ZSCAN2: variants seen among roughly 807,000 people sequenced by gnomAD.
The protein encoded by ZSCAN2 is zinc finger and SCAN domain-containing protein 2.
A neutral mutation model predicts 47.8 loss-of-function variants in ZSCAN2; 26 were observed. The ratio of observed to expected loss-of-function variants is 0.54; its 90% CI spans 0.40 to 0.75. The LOEUF is 0.75. Among genes scored for constraint, ZSCAN2 ranks in the 30% least tolerant of loss-of-function variants. The probability of loss-of-function intolerance (pLI) is 0.00; values close to 1 mark genes in which losing one functional copy is unlikely to be tolerated. For synonymous variants in ZSCAN2, 305 were observed against 288.7 expected, an observed-to-expected ratio of 1.06 and a Z score of -0.57; for missense variants, 732 against 785.4, an observed-to-expected ratio of 0.93 and a Z score of 0.81.
intron 2 of ZSCAN2, among the ~76,000 whole-genome samples, chr15:84,613,123 A>T (rs532078483): frequency 6.6e-6 from 1 of 152,298 alleles, no homozygotes; most frequent in South Asian, 2.1e-4. Context: ...CCATGGATTT[A>T]AGAGGCCAAC....
At position 84,622,130 on chromosome 15, in the gene ZSCAN2, C is replaced by T; in HGVS notation, c.*90C>T. Reference sequence around the variant, plus strand: ...ATTCCCTTTCAAAGAGCTGTGCTTCCTAAACATTCTGGGGGGTTTTGCCAG... The same window carrying T: ...ATTCCCTTTCAAAGAGCTGTGCTTCTTAAACATTCTGGGGGGTTTTGCCAG... On this transcript the variant is annotated 3_prime_UTR_variant, in exon 3 of 3. Transcript: ENST00000546148. The T allele has an allele frequency of 7.5e-6, 9 of 1,195,888 alleles. No individual in the cohort carries two copies. The South Asian group carries it at 1.3e-4, about 18-fold the overall frequency. 74.1% of individuals were successfully genotyped at this position (1,195,888 alleles called of 1,614,324 possible).
rs763167682 is a variant in ZSCAN2, at chr15:84,616,522, CT to C, written c.407-4079del. The C allele has an allele frequency of 1.4e-4, 182 of 1,346,454 alleles. No individual in the cohort carries two copies. In the Admixed American group the frequency reaches 2.3e-3, roughly 17 times the overall value. 83.4% of individuals were successfully genotyped at this position (1,346,454 alleles called of 1,614,324 possible). A position where few individuals can be genotyped will look rare whatever the true frequency, so the allele number is the denominator to read the frequency against. ...TCCTTCCTCATTGCTTTTACCCAGTCTGCTGTTTTGGGAAGCCCTGACATGT... is the reference window on the plus strand; with the variant it reads ...TCCTTCCTCATTGCTTTTACCCAGTCGCTGTTTTGGGAAGCCCTGACATGT... On this transcript the variant is annotated intron_variant, in intron 2 of 2. Coordinates refer to ENST00000546148, the MANE Select transcript of ZSCAN2 (RefSeq NM_181877.4).
chr15:84,610,014 C>T (rs540201717), intron 2 of ZSCAN2, among the ~76,000 whole-genome samples: 11 of 152,300 alleles, frequency 7.2e-5, no homozygotes, highest in Admixed American at 2.0e-4. Context: ...TGAACGGCCA[C>T]GGGAATTTGT....
In ZSCAN2 at chr15:84,621,074, C is replaced by T. The variant is rs1895805623; in HGVS notation, c.879C>T (p.Leu293=). The change falls in exon 3 of 3, where the codon CTC becomes CTT. Residue 293 remains leucine, a synonymous_variant. Coordinates refer to ENST00000546148, the MANE Select transcript of ZSCAN2 (RefSeq NM_181877.4). This position sits in a 1 kb window ranked among gnomAD's most constrained non-coding sequence, Gnocchi z 5.7. ...AGAGCTTTAGCCGGAGTGCCAACCTCATAACCCACCAGAGGATCCACACGG... is the reference window on the plus strand; with the variant it reads ...AGAGCTTTAGCCGGAGTGCCAACCTTATAACCCACCAGAGGATCCACACGG... ...CGKSFSRSAN[L]ITHQRIHTGE... is the part of the protein sequence containing the mutation. The T allele has an allele frequency of 1.2e-6, 2 of 1,613,360 alleles. No individual in the cohort carries two copies. The highest frequency in any genetic ancestry group is 1.1e-5 in the South Asian group (1 of 91,040).
At chr15:84,619,926 GGTTTT>G (rs1412804734) in intron 2 of ZSCAN2, among the ~76,000 whole-genome samples, 1 of 28,672 alleles carries the variant, frequency 3.5e-5, no homozygotes, top group Admixed American at 3.5e-4. Context: ...AGCCTGGGTT[GGTTTT>G]TTTTTTTTTT....
chr15:84,604,891 C>T (rs1168617136), intron 2 of ZSCAN2, among the ~76,000 whole-genome samples: 3 of 151,984 alleles, frequency 2.0e-5, no homozygotes, highest in Non-Finnish European at 4.4e-5. Flanking sequence ...GCGTGCGCCA[C>T]CACGCCCGGC....
intron 2 of ZSCAN2, chr15:84,606,819 C>G: frequency 2.4e-6 from 3 of 1,268,054 alleles, no homozygotes; most frequent in Non-Finnish European, 3.0e-6. Context: ...TTGTCTGTCC[C>G]TGACTTCTGC....
intron 2 of ZSCAN2, chr15:84,614,629 G>A (rs918953397): frequency 6.6e-6 from 1 of 152,142 alleles, no homozygotes; most frequent in Non-Finnish European, 1.5e-5. Context: ...CGAATATAGA[G>A]AAATCTTTTT....
intron 2 of ZSCAN2, among the ~76,000 whole-genome samples, chr15:84,608,579 AG>A (rs1895452988): frequency 7.9e-5 from 12 of 151,742 alleles, no homozygotes; most frequent in Admixed American, 7.9e-4. Context: ...CAGCATTCTA[AG>A]TGATCCTGAT....
At position 84,611,795 on chromosome 15, in the gene ZSCAN2, CATCCAGCCTCTT is replaced by C. The variant is rs532970326; in HGVS notation, c.406+7464_406+7475del. On this transcript the variant is annotated intron_variant, in intron 2 of 2. Coordinates refer to ENST00000546148, the MANE Select transcript of ZSCAN2 (RefSeq NM_181877.4). ...ACAACAAAAAAGTGGATGTCTGGGC[CATCCAGCCTCTT>C]ACTCATAAGCCTGCTTCCTTAGAAG... The C allele has an allele frequency of 3.1e-4, 47 of 152,328 alleles. No individual in the cohort carries two copies. The East Asian group carries it at 7.7e-3, about 25-fold the overall frequency. The allele number at this position is 152,328 out of a possible 1,614,324, so 9.4% of individuals were successfully genotyped here. A position where few individuals can be genotyped will look rare whatever the true frequency, so the allele number is the denominator to read the frequency against.
rs1051278087 is a variant in ZSCAN2 at position 84,623,129 on chromosome 15, C to A, written c.*1089C>A. On this transcript the variant is annotated 3_prime_UTR_variant, in exon 3 of 3. Transcript: ENST00000546148. ...TTGAGACGGAGTCTCACTCTGTCAC[C>A]CAGGCTGGAGTGCAGTGGTGCCATC... The A allele has an allele frequency of 6.3e-6, 1 of 158,308 alleles. No individual in the cohort carries two copies. The highest frequency in any genetic ancestry group is 1.4e-5 in the Non-Finnish European group (1 of 69,592). 9.8% of individuals were successfully genotyped at this position (158,308 alleles called of 1,614,324 possible). A position where few individuals can be genotyped will look rare whatever the true frequency, so the allele number is the denominator to read the frequency against.
intron 2 of ZSCAN2, among the ~76,000 whole-genome samples, chr15:84,612,934 T>C (rs897425945): frequency 6.6e-6 from 1 of 152,270 alleles, no homozygotes; most frequent in African/African-American, 2.4e-5. Context: ...TTCTTTCATA[T>C]GTTCATCTAA....
rs35815000 is a variant in ZSCAN2 at position 84,613,981 on chromosome 15, C to CTTTTTTTT, written c.407-6603_407-6596dup. On this transcript the variant is annotated intron_variant, in intron 2 of 2. Coordinates refer to ENST00000546148, the MANE Select transcript of ZSCAN2 (RefSeq NM_181877.4). ...AGGTGTGAGCCACTGCTCTTGGCCT[C>CTTTTTTTT]TTTTTTTTTTTTTTTTTTTTTTTTT... Among the ~76,000 whole-genome samples the CTTTTTTTT allele has an allele frequency of 1.3e-4, 7 of 52,332 alleles. 1 individual carries two copies. Among genetic ancestry groups the CTTTTTTTT allele is most frequent in the Admixed American group, 3.1e-4 (1 of 3,238 alleles). 34.3% of individuals were successfully genotyped at this position (52,332 alleles called of 152,430 possible).
chr15:84,606,067 G>A (rs1021203467), intron 2 of ZSCAN2, among the ~76,000 whole-genome samples: 1 of 152,236 alleles, frequency 6.6e-6, no homozygotes, highest in African/African-American at 2.4e-5. Flanking sequence ...GTGGGTGTTG[G>A]AAGTTGGGGA....
At chr15:84,603,727 AG>A (rs374217949) in intron 1 of ZSCAN2, 92 bp from the exon 2 acceptor site, 1 of 556,050 alleles carries the variant, frequency 1.8e-6, no homozygotes, top group Non-Finnish European at 3.1e-6. Context: ...TGCATATGTA[AG>A]GGCCACTTGG....
At chr15:84,607,073 C>G (rs1273550545) in intron 2 of ZSCAN2, among the ~76,000 whole-genome samples, 2 of 152,118 alleles carry the variant, frequency 1.3e-5, no homozygotes, top group Non-Finnish European at 2.9e-5. Context: ...TCTGGGCACT[C>G]AAAATTCAAG....
chr15:84,603,093 AAAG>A (rs1396421456), intron 1 of ZSCAN2, among the ~76,000 whole-genome samples: 1 of 152,204 alleles, frequency 6.6e-6, no homozygotes, highest in African/African-American at 2.4e-5. Flanking sequence ...CCTTTCTTCC[AAAG>A]AAGCTCAGAG....
chr15:84,606,691 A>G, intron 2 of ZSCAN2: 1 of 1,508,634 alleles, frequency 6.6e-7, no homozygotes, highest in Non-Finnish European at 8.8e-7. Flanking sequence ...AGGTCTCAGC[A>G]GGTGTCAGAG....
chr15:84,620,730 G>A lies in ZSCAN2; in HGVS notation c.535G>A (p.Glu179Lys), dbSNP rs769741632. 1.1e-5 allele frequency: 17 copies of A among 1,614,142 alleles called. No homozygotes were observed. Among genetic ancestry groups the A allele is most frequent in the Non-Finnish European group, 1.4e-5 (16 of 1,180,056 alleles). The change falls in exon 3 of 3, where the codon GAG (glutamate) becomes AAG (lysine). Residue 179 changes from glutamate (E) to lysine (K), a missense_variant. Glu to Lys is a moderately conservative substitution (Grantham distance 56, BLOSUM62 1). Coordinates refer to ENST00000546148, the MANE Select transcript of ZSCAN2 (RefSeq NM_181877.4). ...AQHSDGESDFERDAGIQRLQG... is the reference protein window; with the variant it reads ...AQHSDGESDFKRDAGIQRLQG... The stretch of plus-strand genomic sequence containing the variant: ...GCACTCCGATGGGGAAAGTGACTTT[G>A]AGAGAGATGCTGGCATCCAGAGGCT...
Sources: gnomAD v4.1 joint callset for allele counts (sites outside exome capture counted in the v4.1 genomes callset) on GRCh38, gnomAD v4.1.1 for gene constraint, Gnocchi (gnomAD v3.1) non-coding constraint, MANE v1.5 for transcripts, NCBI Gene and HGNC (gene_info 2026-07-23, HGNC 2026-07-21) for gene names.